SHROOM3: variants seen among roughly 807,000 people sequenced by gnomAD.
SHROOM3 encodes the protein protein Shroom3.
SHROOM3 carries 47 observed loss-of-function variants against 138.6 expected under a neutral mutation model. The ratio of observed to expected loss-of-function variants is 0.34; its 90% confidence interval spans 0.27 to 0.43. SHROOM3 has a LOEUF of 0.43. Ranked by LOEUF, SHROOM3 falls within the 20% of genes least tolerant of loss-of-function variation. The pLI is 1.00. For missense variants in SHROOM3, 2,491 were observed against 2,596.5 expected, an observed-to-expected ratio of 0.96 and a Z score of 0.88; for synonymous variants, 1,062 against 1,063.3, an observed-to-expected ratio of 1.00 and a Z score of 0.02.
At chr4:76,711,334 AG>A (rs1480292764) in intron 3 of SHROOM3, among the ~76,000 whole-genome samples, 1 of 152,250 alleles carries the variant, frequency 6.6e-6, no homozygotes, top group Non-Finnish European at 1.5e-5. Flanking sequence ...GTCAAGCACT[AG>A]GGCTGTGCCT....
At chr4:76,729,356 C>G (rs974333128) in intron 3 of SHROOM3, among the ~76,000 whole-genome samples, 1 of 152,086 alleles carries the variant, frequency 6.6e-6, no homozygotes, top group Non-Finnish European at 1.5e-5. Context: ...TTTGGCAACT[C>G]AAGCATTAGT....
At chr4:76,533,153 A>T (rs1029018312) in intron 1 of SHROOM3, among the ~76,000 whole-genome samples, 7 of 152,178 alleles carry the variant, frequency 4.6e-5, no homozygotes, top group African/African-American at 1.7e-4. Context: ...TTGACTGAGG[A>T]TGATTAAAAC....
chr4:76,464,940 T>A (rs1731222392), intron 1 of SHROOM3, among the ~76,000 whole-genome samples: 2 of 152,218 alleles, frequency 1.3e-5, no homozygotes, highest in Admixed American at 6.5e-5. Context: ...CAGGTAGTTC[T>A]TTATAGCAGT....
intron 2 of SHROOM3, among the ~76,000 whole-genome samples, chr4:76,651,568 G>A (rs1481098892): frequency 6.6e-6 from 1 of 151,618 alleles, no homozygotes; most frequent in Non-Finnish European, 1.5e-5. Context: ...AAGTAGCTGG[G>A]TTTCCTGCCA....
rs61739913 is a variant in SHROOM3 at position 76,754,924 on chromosome 4, A to G, written c.4441A>G (p.Thr1481Ala). The G allele has an allele frequency of 3.1e-6, 5 of 1,613,926 alleles. No individual in the cohort carries two copies. The East Asian group carries it at 6.7e-5, about 22-fold the overall frequency. ...DPDTPLGAPSTPGRISLRISE... is the reference protein window; with the variant it reads ...DPDTPLGAPSAPGRISLRISE... ...AGACACACCTCTTGGGGCCCCGAGC[A>G]CTCCAGGGAGGATCTCCCTCCGAAT... The change falls in exon 7 of 11, where the codon ACT (threonine) becomes GCT (alanine). Residue 1481 changes from threonine (T) to alanine (A), a missense_variant. Around this residue, in one of 4 missense-constraint regions of SHROOM3, gnomAD observed 1,733 missense variants for 1,661.6 expected, o/e 1.04. Coordinates refer to ENST00000296043, the MANE Select transcript of SHROOM3 (RefSeq NM_020859.4).
chr4:76,765,447 G>A (rs142290779), intron 9 of SHROOM3, among the ~76,000 whole-genome samples: 2 of 152,294 alleles, frequency 1.3e-5, no homozygotes, highest in African/African-American at 4.8e-5. Flanking sequence ...GAGCCGGGGG[G>A]TTGAGGCTGT....
At chr4:76,477,202 C>T (rs1252629425) in intron 1 of SHROOM3, among the ~76,000 whole-genome samples, 1 of 152,028 alleles carries the variant, frequency 6.6e-6, no homozygotes, top group Non-Finnish European at 1.5e-5. Flanking sequence ...CTTCTGACCT[C>T]GTGATCCACC....
intron 2 of SHROOM3, among the ~76,000 whole-genome samples, chr4:76,578,597 T>C (rs1032736932): frequency 1.3e-5 from 2 of 152,214 alleles, no homozygotes; most frequent in African/African-American, 4.8e-5. Context: ...GGCTAAGATG[T>C]GAACGAGACA....
intron 2 of SHROOM3, among the ~76,000 whole-genome samples, chr4:76,681,597 GTGTGTGTGTGTGT>G: frequency 8.4e-6 from 1 of 118,536 alleles, no homozygotes; most frequent in East Asian, 2.9e-4. Flanking sequence ...AGTCTAGGGT[GTGTGTGTGTGTGT>G]GTGTGTGTGT....
In SHROOM3 at chr4:76,782,335, T is replaced by C. The variant is rs981193124; in HGVS notation, c.*3158T>C. ...ACAAGTTTGGGTCCACCCCTAAGAA[T>C]CAGTGGCTGTCTTTTAAGGTGAGGA... is the stretch of plus-strand genomic sequence containing the variant. On this transcript the variant is annotated 3_prime_UTR_variant, in exon 11 of 11. Transcript: ENST00000296043. 6.6e-6 allele frequency: 1 copy of C among 152,194 alleles called. No homozygotes were observed. Among genetic ancestry groups the C allele is most frequent in the African/African-American group, 2.4e-5 (1 of 41,438 alleles). 9.4% of individuals were successfully genotyped at this position (152,194 alleles called of 1,614,324 possible).
chr4:76,467,045 G>GTTTTT (rs56163246), intron 1 of SHROOM3, among the ~76,000 whole-genome samples: 1 of 144,572 alleles, frequency 6.9e-6, no homozygotes. Flanking sequence ...ACCCAGAAAA[G>GTTTTT]TTTTTTTTTT....
intron 2 of SHROOM3, among the ~76,000 whole-genome samples, chr4:76,626,860 T>C (rs759977844): frequency 6.6e-6 from 1 of 152,238 alleles, no homozygotes; most frequent in Non-Finnish European, 1.5e-5. Context: ...AGGCATTGGA[T>C]GTTTGTACAG....
intron 2 of SHROOM3, among the ~76,000 whole-genome samples, chr4:76,603,824 AAGC>A (rs1415296133): frequency 6.7e-6 from 1 of 149,820 alleles, no homozygotes; most frequent in African/African-American, 2.5e-5. Flanking sequence ...GAGTGAGAAC[AAGC>A]ATCTTGTATT....
chr4:76,528,691 T>A (rs1732758715), intron 1 of SHROOM3, among the ~76,000 whole-genome samples: 1 of 152,098 alleles, frequency 6.6e-6, no homozygotes, highest in Middle Eastern at 3.2e-3. Flanking sequence ...TAGCTGGGAT[T>A]ATAGGCATGT....
intron 1 of SHROOM3, among the ~76,000 whole-genome samples, chr4:76,545,159 AT>A (rs1733186461): frequency 6.6e-6 from 1 of 151,814 alleles, no homozygotes; most frequent in Admixed American, 6.6e-5. Flanking sequence ...GAGGCAGGGT[AT>A]AAACCAACAA....
chr4:76,605,113 T>G (rs1467357521), intron 2 of SHROOM3, among the ~76,000 whole-genome samples: 1 of 152,182 alleles, frequency 6.6e-6, no homozygotes, highest in African/African-American at 2.4e-5. Flanking sequence ...AATGTCCCCA[T>G]GGCGGTAAAA....
chr4:76,537,655 T>C (rs933977856), intron 1 of SHROOM3, among the ~76,000 whole-genome samples: 8 of 152,148 alleles, frequency 5.3e-5, no homozygotes, highest in Non-Finnish European at 1.0e-4. Flanking sequence ...ATGGGTTCAA[T>C]ATATAATGTG....
chr4:76,775,512 A>C (rs1722522851), intron 10 of SHROOM3, among the ~76,000 whole-genome samples: 1 of 152,122 alleles, frequency 6.6e-6, no homozygotes. Flanking sequence ...CTAAAAGTAC[A>C]TCTATCATTT....
chr4:76,741,876 C>G lies in SHROOM3; in HGVS notation c.3703C>G (p.Pro1235Ala). 6.2e-7 allele frequency: 1 copy of G among 1,612,124 alleles called. No homozygotes were observed. The highest frequency in any genetic ancestry group is 8.5e-7 in the Non-Finnish European group (1 of 1,179,892). Residue 1235 changes from proline to alanine, a missense_variant, in exon 5 of 11, where the codon CCT becomes GCT. By Grantham distance (27) the Pro-to-Ala change is conservative. Coordinates refer to ENST00000296043, the MANE Select transcript of SHROOM3 (RefSeq NM_020859.4). This position sits in a 1 kb window ranked among gnomAD's most constrained non-coding sequence, Gnocchi z 6.2. ...GGAACGCTCGGACGTCCTTGCGGGC[C>G]CTGTCCATGTGAGGTCCAGGTCATC... ...LLERSDVLAG[P>A]VHVRSRSSPA...
Sources: allele counts gnomAD v4.1 joint callset (sites outside exome capture counted in the v4.1 genomes callset), GRCh38; gene constraint gnomAD v4.1.1; regional missense constraint gnomAD v4.1.1; non-coding constraint Gnocchi (gnomAD v3.1); transcripts MANE v1.5; gene names NCBI Gene and HGNC (gene_info 2026-07-23, HGNC 2026-07-21).